Variants in FAM13C observed in about 807,000 individuals in gnomAD.
The protein encoded by FAM13C is family with sequence similarity 13 member C.
Under a neutral mutation model 73.2 loss-of-function variants are expected in FAM13C, and 37 were observed. That is an observed-to-expected ratio of 0.51 (90% CI 0.39 to 0.67). FAM13C has a LOEUF of 0.67. FAM13C is among the 30% of genes least tolerant of loss of function. FAM13C has a pLI of 0.00. For synonymous variants in FAM13C, 246 were observed against 260.9 expected (o/e 0.94, Z 0.55); for missense variants, 589 against 715.6 (o/e 0.82, Z 2.02).
intron 6 of FAM13C, among the ~76,000 whole-genome samples, chr10:59,280,431 C>G (rs961516313): frequency 2.0e-5 from 3 of 152,202 alleles, no homozygotes; most frequent in Non-Finnish European, 2.9e-5. Context: ...TGGCCACAGA[C>G]CCTGAGTTAC....
chr10:59,344,454 T>TTTA (rs1351339010), intron 3 of FAM13C, among the ~76,000 whole-genome samples: 27 of 149,836 alleles, frequency 1.8e-4, no homozygotes, highest in African/African-American at 6.4e-4. Flanking sequence ...GATTTTTTTT[T>TTTA]TTTATTTTTA....
intron 6 of FAM13C, among the ~76,000 whole-genome samples, chr10:59,271,309 A>C (rs1481884407): frequency 6.6e-6 from 1 of 152,250 alleles, no homozygotes; most frequent in Non-Finnish European, 1.5e-5. Context: ...AATCAGATTT[A>C]GAGTGGCTCC....
chr10:59,265,152 G>A (rs1842891261), intron 8 of FAM13C, among the ~76,000 whole-genome samples: 1 of 151,936 alleles, frequency 6.6e-6, no homozygotes, highest in African/African-American at 2.4e-5. Flanking sequence ...GTTTAGGTAT[G>A]CTCATTGTAA....
At chr10:59,279,197 T>C (rs1423094328) in intron 6 of FAM13C, among the ~76,000 whole-genome samples, 1 of 152,212 alleles carries the variant, frequency 6.6e-6, no homozygotes, top group Non-Finnish European at 1.5e-5. Context: ...ATCTTTATAT[T>C]TTAATTTTTA....
chr10:59,251,234 C>T (rs182310582), intron 13 of FAM13C: 155 of 358,786 alleles, frequency 4.3e-4, no homozygotes, highest in African/African-American at 3.0e-3. Context: ...AAACCAACAA[C>T]AAAGCAGTTA....
At chr10:59,312,487 A>G (rs1218265409) in intron 4 of FAM13C, among the ~76,000 whole-genome samples, 2 of 152,128 alleles carry the variant, frequency 1.3e-5, no homozygotes, top group Admixed American at 1.3e-4. Flanking sequence ...ACAACACACT[A>G]CAGTATAGTG....
chr10:59,297,003 G>A (rs1052691762), intron 5 of FAM13C: 1 of 152,196 alleles, frequency 6.6e-6, no homozygotes, highest in Non-Finnish European at 1.5e-5. Flanking sequence ...TAGAGTTACA[G>A]TAATATTCTT....
chr10:59,298,799 C>T (rs556588236), intron 5 of FAM13C, among the ~76,000 whole-genome samples: 124 of 152,286 alleles, frequency 8.1e-4, no homozygotes, highest in African/African-American at 2.8e-3. Context: ...TGATGGGAAG[C>T]TATGGCTACA....
At chr10:59,343,968 C>CT (rs760773172) in intron 3 of FAM13C, among the ~76,000 whole-genome samples, 1,754 of 135,434 alleles carry the variant, frequency 0.013, 35 homozygotes, top group African/African-American at 0.043. Context: ...TTTCTTTTTT[C>CT]TTTTTTTTTT....
chr10:59,258,494 A>C (rs904846236), intron 10 of FAM13C, among the ~76,000 whole-genome samples: 1 of 152,158 alleles, frequency 6.6e-6, no homozygotes, highest in Admixed American at 6.6e-5. Context: ...AAAAAATTTA[A>C]AATAAAAAGG....
chr10:59,343,974 T>C (rs1232750153), intron 3 of FAM13C, among the ~76,000 whole-genome samples: 1 of 151,356 alleles, frequency 6.6e-6, no homozygotes, highest in Non-Finnish European at 1.5e-5. Context: ...TTTTCTTTTT[T>C]TTTTTGAGAT....
rs1850743505 is a variant in FAM13C at position 59,324,104 on chromosome 10, C to G, written c.327G>C (p.Glu109Asp). 8 of 1,611,304 alleles carry G rather than the reference C, an allele frequency of 5.0e-6. No homozygotes were observed. Among genetic ancestry groups the G allele is most frequent in the African/African-American group, 1.3e-5 (1 of 74,950 alleles). Reference protein sequence around the residue: ...ESGRSHGESQETEHVVSSQSE... With the variant: ...ESGRSHGESQDTEHVVSSQSE... ...ACTGGCTGGATACCACATGCTCTGT[C>G]TCCTGCAAGAAGAAAGAGCAAAAGT... is the stretch of plus-strand genomic sequence containing the variant. The change falls in exon 4 of 14, where the codon GAG (glutamate) becomes GAC (aspartate). Residue 109 changes from glutamate to aspartate, a missense_variant and splice_region_variant. By Grantham distance (45) the Glu-to-Asp change is conservative. Transcript: ENST00000618804.
intron 6 of FAM13C, among the ~76,000 whole-genome samples, chr10:59,279,979 G>C (rs1025758268): frequency 6.6e-6 from 1 of 152,088 alleles, no homozygotes; most frequent in Non-Finnish European, 1.5e-5. Context: ...CTCACATGGA[G>C]GGAAGAGGGC....
chr10:59,285,682 T>C (rs1845470895), intron 5 of FAM13C, among the ~76,000 whole-genome samples: 1 of 152,220 alleles, frequency 6.6e-6, no homozygotes. Context: ...AACCAAGAGT[T>C]ATGTTTTGGA....
At chr10:59,285,311 G>C (rs144091027) in intron 5 of FAM13C, among the ~76,000 whole-genome samples, 267 of 152,224 alleles carry the variant, frequency 1.8e-3, no homozygotes, top group African/African-American at 6.2e-3. Flanking sequence ...CAAGAACTGA[G>C]GTTGTTGACA....
chr10:59,283,252 T>G, intron 6 of FAM13C, 111 bp downstream of exon 6: 1 of 1,137,942 alleles, frequency 8.8e-7, no homozygotes, highest in Non-Finnish European at 1.3e-6. Flanking sequence ...TGGGCTTTCA[T>G]GTTGCCCCAG....
intron 5 of FAM13C, among the ~76,000 whole-genome samples, chr10:59,292,589 C>T (rs1191418687): frequency 6.6e-6 from 1 of 152,220 alleles, no homozygotes; most frequent in Non-Finnish European, 1.5e-5. Context: ...TAAGTATTCA[C>T]TGAAAATTAT....
At chr10:59,311,304 G>A (rs1337346369) in intron 4 of FAM13C, among the ~76,000 whole-genome samples, 2 of 152,148 alleles carry the variant, frequency 1.3e-5, no homozygotes, top group African/African-American at 2.4e-5. Context: ...AAGACACTGT[G>A]AACCATAAAG....
At chr10:59,347,143 C>T (rs1854400820) in intron 3 of FAM13C, among the ~76,000 whole-genome samples, 1 of 152,178 alleles carries the variant, frequency 6.6e-6, no homozygotes, top group South Asian at 2.1e-4. Context: ...TAAGCGTTCT[C>T]CTTCTAAATA....
Sources: gnomAD v4.1 joint callset for allele counts (sites outside exome capture counted in the v4.1 genomes callset) on GRCh38, gnomAD v4.1.1 for gene constraint, MANE v1.5 for transcripts, NCBI Gene and HGNC (gene_info 2026-07-23, HGNC 2026-07-21) for gene names.